Variants in FKTN observed in about 807,000 individuals in gnomAD.
FKTN encodes the protein fukutin.
Under a neutral mutation model 58.6 loss-of-function variants are expected in FKTN, and 47 were observed. The ratio of observed to expected loss-of-function variants is 0.80; its 90% confidence interval spans 0.63 to 1.02. FKTN has a LOEUF of 1.02. Ranked by LOEUF, FKTN falls within the 50% of genes least tolerant of loss-of-function variation. FKTN has a pLI of 0.00. For missense variants in FKTN, 516 were observed against 537.3 expected (o/e 0.96, Z 0.39); for synonymous variants, 178 against 191.9 (o/e 0.93, Z 0.60).
At chr9:105,582,384 C>G (rs561576387) in intron 3 of FKTN, among the ~76,000 whole-genome samples, 1 of 152,118 alleles carries the variant, frequency 6.6e-6, no homozygotes, top group East Asian at 1.9e-4. Flanking sequence ...TTTGTAGAGA[C>G]GGGGTCTCGC....
intron 3 of FKTN, among the ~76,000 whole-genome samples, chr9:105,593,334 G>A (rs953166241): frequency 3.9e-5 from 6 of 152,216 alleles, no homozygotes; most frequent in African/African-American, 1.2e-4. Context: ...TGCTAAATCC[G>A]TCACGAGAAA....
chr9:105,588,182 C>T (rs1844239749), intron 3 of FKTN, among the ~76,000 whole-genome samples: 1 of 152,194 alleles, frequency 6.6e-6, no homozygotes, highest in Middle Eastern at 3.2e-3. Flanking sequence ...TCACCTCCTA[C>T]TTTCTGGATG....
intron 10 of FKTN, among the ~76,000 whole-genome samples, chr9:105,632,560 CT>C (rs1464663953): frequency 1.3e-5 from 2 of 151,828 alleles, no homozygotes; most frequent in African/African-American, 4.8e-5. Context: ...GAAGAACTTC[CT>C]TTTCATTTAG....
In FKTN at chr9:105,640,279, A is replaced by T. The variant is rs1834330184; in HGVS notation, c.*5015A>T. On this transcript the variant is annotated 3_prime_UTR_variant, in exon 11 of 11. Coordinates refer to ENST00000357998, the MANE Select transcript of FKTN (RefSeq NM_001079802.2). ...AGAAATCCCTGCTTCTTTTGGGTGC[A>T]GTGGCTCACACCTGTAATACCAGCA... 2.0e-6 allele frequency: 2 copies of T among 1,018,208 alleles called. No individual in the cohort carries two copies. The highest frequency in any genetic ancestry group is 5.5e-5 in the East Asian group (2 of 36,382). The allele number at this position is 1,018,208 out of a possible 1,614,324, so 63.1% of individuals were successfully genotyped here.
chr9:105,628,149 C>T (rs1249357731), intron 10 of FKTN, among the ~76,000 whole-genome samples: 1 of 152,144 alleles, frequency 6.6e-6, no homozygotes, highest in Non-Finnish European at 1.5e-5. Flanking sequence ...TTAGTACTTA[C>T]AGCTGTGAAG....
intron 7 of FKTN, among the ~76,000 whole-genome samples, chr9:105,610,686 C>T (rs1829760643): frequency 6.6e-6 from 1 of 151,940 alleles, no homozygotes; most frequent in Non-Finnish European, 1.5e-5. Flanking sequence ...TTTCCTCACC[C>T]TGCTTGGGCT....
At position 105,639,526 on chromosome 9, in the gene FKTN, G is replaced by T; in HGVS notation, c.*4262G>T. On this transcript the variant is annotated 3_prime_UTR_variant, in exon 11 of 11. Coordinates refer to ENST00000357998, the MANE Select transcript of FKTN (RefSeq NM_001079802.2). Reference sequence around the variant, plus strand: ...GGCCTAGGATTAAGTAAGTACTCAAGAAATGTGCAATTTTCTAGTTCCATG... The same window carrying T: ...GGCCTAGGATTAAGTAAGTACTCAATAAATGTGCAATTTTCTAGTTCCATG... The T allele has an allele frequency of 5.3e-6, 5 of 948,196 alleles. No individual in the cohort carries two copies. Among genetic ancestry groups the T allele is most frequent in the Non-Finnish European group, 6.3e-6 (5 of 796,074 alleles). The allele number at this position is 948,196 out of a possible 1,614,324, so 58.7% of individuals were successfully genotyped here. A position where few individuals can be genotyped will look rare whatever the true frequency, so the allele number is the denominator to read the frequency against.
chr9:105,615,360 T>C lies in FKTN; in HGVS notation c.863T>C (p.Leu288Ser), dbSNP rs1830630852. ...TTACTGCAACTAGCAGCGAAAACAT[T>C]AAACAAATTGGGAGTACCATTCTGG... ...KELLQLAAKT[L>S]NKLGVPFWLS... Residue 288 changes from leucine to serine, a missense_variant, in exon 8 of 11, where the codon TTA becomes TCA. Leu to Ser is a moderately radical substitution (Grantham distance 145). Coordinates refer to ENST00000357998, the MANE Select transcript of FKTN (RefSeq NM_001079802.2). 6.2e-7 allele frequency: 1 copy of C among 1,614,002 alleles called. No homozygotes were observed. The highest frequency in any genetic ancestry group is 8.5e-7 in the Non-Finnish European group (1 of 1,179,852).
chr9:105,581,842 G>A (rs187849337), intron 3 of FKTN, among the ~76,000 whole-genome samples: 13 of 152,294 alleles, frequency 8.5e-5, no homozygotes, highest in East Asian at 1.9e-4. Context: ...AGGACCCTCC[G>A]AGCCAGGTGT....
intron 3 of FKTN, among the ~76,000 whole-genome samples, chr9:105,586,989 A>C (rs1413245541): frequency 6.6e-6 from 1 of 152,218 alleles, no homozygotes; most frequent in Admixed American, 6.5e-5. Context: ...CTATTCCAAC[A>C]TGTAAATATA....
At chr9:105,567,107 C>G (rs1839795391) in intron 1 of FKTN, among the ~76,000 whole-genome samples, 1 of 152,146 alleles carries the variant, frequency 6.6e-6, no homozygotes, top group Non-Finnish European at 1.5e-5. Context: ...ACTCTTCATG[C>G]TAAAAAGTCT....
chr9:105,566,579 C>A (rs1343493062), intron 1 of FKTN, among the ~76,000 whole-genome samples: 1 of 152,130 alleles, frequency 6.6e-6, no homozygotes, highest in East Asian at 1.9e-4. Flanking sequence ...CACACACTCT[C>A]CCAAGACTAA....
intron 10 of FKTN, among the ~76,000 whole-genome samples, chr9:105,628,310 C>T (rs776931512): frequency 1.3e-5 from 2 of 151,970 alleles, no homozygotes; most frequent in South Asian, 2.1e-4. Flanking sequence ...ACCTCCAAAC[C>T]GCTAGTAAGT....
At chr9:105,614,466 G>A (rs1035223489) in intron 7 of FKTN, among the ~76,000 whole-genome samples, 1 of 152,146 alleles carries the variant, frequency 6.6e-6, no homozygotes, top group South Asian at 2.1e-4. Flanking sequence ...CTCATAGAAA[G>A]TGAGGATGAT....
intron 3 of FKTN, 77 bp downstream of exon 3, chr9:105,575,214 T>C (rs1841453622): frequency 1.2e-6 from 1 of 848,040 alleles, no homozygotes; most frequent in South Asian, 1.4e-5. Context: ...CTCTTTGCAA[T>C]ACATAATATT....
chr9:105,603,817 G>T (rs1291895498), intron 5 of FKTN: 1 of 296,474 alleles, frequency 3.4e-6, no homozygotes, highest in Non-Finnish European at 6.6e-6. Flanking sequence ...GGGACTACAG[G>T]TACATGCCAC....
chr9:105,637,239 A>G lies in FKTN; in HGVS notation c.*1975A>G, dbSNP rs1435009920. The G allele has an allele frequency of 2.0e-6, 2 of 985,068 alleles. No individual in the cohort carries two copies. The highest frequency in any genetic ancestry group is 2.4e-6 in the Non-Finnish European group (2 of 829,778). The allele number at this position is 985,068 out of a possible 1,614,324, so 61.0% of individuals were successfully genotyped here. A position where few individuals can be genotyped will look rare whatever the true frequency, so the allele number is the denominator to read the frequency against. On this transcript the variant is annotated 3_prime_UTR_variant, in exon 11 of 11. Transcript: ENST00000357998. ...ACATTTCTCCCCATTTCCAATTGGG[A>G]CTCCCATTCTTTGCCAGGAGATCTT...
chr9:105,577,451 T>C (rs1261764388), intron 3 of FKTN, among the ~76,000 whole-genome samples: 17 of 146,590 alleles, frequency 1.2e-4, no homozygotes, highest in African/African-American at 4.3e-4. Flanking sequence ...CTTGTTTTTC[T>C]CAGGTTTGTC....
In FKTN at chr9:105,639,632, A is replaced by G; in HGVS notation, c.*4368A>G. On this transcript the variant is annotated 3_prime_UTR_variant, in exon 11 of 11. Coordinates refer to ENST00000357998, the MANE Select transcript of FKTN (RefSeq NM_001079802.2). Reference sequence around the variant, plus strand: ...TTTACTCAAAAGATTGCATGACTGAATTTGCTTAAGAAAAAAAAAATTGTA... The same window carrying G: ...TTTACTCAAAAGATTGCATGACTGAGTTTGCTTAAGAAAAAAAAAATTGTA... 1.0e-6 allele frequency: 1 copy of G among 962,368 alleles called. No individual in the cohort carries two copies. The highest frequency in any genetic ancestry group is 1.2e-6 in the Non-Finnish European group (1 of 810,334). 59.6% of individuals were successfully genotyped at this position (962,368 alleles called of 1,614,324 possible).
Sources: gnomAD v4.1 joint callset for allele counts (sites outside exome capture counted in the v4.1 genomes callset) on GRCh38, gnomAD v4.1.1 for gene constraint, MANE v1.5 for transcripts, NCBI Gene and HGNC (gene_info 2026-07-23, HGNC 2026-07-21) for gene names.